The following LDAF1 variants were observed in gnomAD, a reference collection of about 807,000 sequenced individuals.
LDAF1 encodes lipid droplet assembly factor 1.
Under a neutral mutation model 13.5 loss-of-function variants are expected in LDAF1, and 7 were observed. The ratio of observed to expected loss-of-function variants is 0.52; its 90% confidence interval spans 0.29 to 0.97. The LOEUF is 0.97. Among genes scored for constraint, LDAF1 ranks in the 50% least tolerant of loss-of-function variants. The probability of loss-of-function intolerance (pLI) is 0.07; values close to 1 mark genes in which losing one functional copy is unlikely to be tolerated. For synonymous variants in LDAF1, 69 were observed against 77.1 expected (o/e 0.89, Z 0.55); for missense variants, 148 against 193.2 (o/e 0.77, Z 1.39).
intron 2 of LDAF1, among the ~76,000 whole-genome samples, chr16:21,162,828 A>G (rs1017050659): frequency 1.3e-5 from 2 of 152,220 alleles, no homozygotes; most frequent in African/African-American, 2.4e-5. Context: ...GCTGATTCTC[A>G]TTAACCATGG....
intron 4 of LDAF1, chr16:21,177,292 G>A (rs1005640476): frequency 6.6e-6 from 1 of 150,520 alleles, no homozygotes; most frequent in South Asian, 2.1e-4. Context: ...TTTTTTAAAC[G>A]ATTGTGGATA....
At chr16:21,164,017 T>C (rs2093001571) in intron 2 of LDAF1, among the ~76,000 whole-genome samples, 1 of 152,122 alleles carries the variant, frequency 6.6e-6, no homozygotes. Context: ...TGGTTGTAAA[T>C]GGTCCTGACC....
chr16:21,179,086 C>T (rs541400283), intron 4 of LDAF1, among the ~76,000 whole-genome samples: 1 of 152,136 alleles, frequency 6.6e-6, no homozygotes, highest in Non-Finnish European at 1.5e-5. Flanking sequence ...TCTGAATCCC[C>T]GCCCTGCCAT....
intron 2 of LDAF1, among the ~76,000 whole-genome samples, chr16:21,168,213 C>T (rs2093045000): frequency 6.6e-6 from 1 of 151,458 alleles, no homozygotes; most frequent in Non-Finnish European, 1.5e-5. Flanking sequence ...CAGGGTTTCA[C>T]CATGTTAGCC....
At chr16:21,161,761 T>C (rs2092977217) in intron 2 of LDAF1, among the ~76,000 whole-genome samples, 1 of 152,250 alleles carries the variant, frequency 6.6e-6, no homozygotes, top group Non-Finnish European at 1.5e-5. Context: ...TTTGAGTTCA[T>C]TGTTCCACTA....
chr16:21,167,711 A>G (rs543047143), intron 2 of LDAF1, among the ~76,000 whole-genome samples: 2 of 3,370 alleles, frequency 5.9e-4, no homozygotes, highest in East Asian at 0.014. Context: ...TTTTTTTTTG[A>G]AAAGGAGACT....
chr16:21,170,316 T>TA, intron 2 of LDAF1, 121 bp from the exon 3 acceptor site: 1 of 1,544,190 alleles, frequency 6.5e-7, no homozygotes, highest in South Asian at 1.3e-5. Context: ...AGTGACTTGT[T>TA]AATGCATAAG....
At chr16:21,159,512 G>T in intron 1 of LDAF1, 3 of 1,364,478 alleles carry the variant, frequency 2.2e-6, no homozygotes, top group Non-Finnish European at 3.1e-6. Flanking sequence ...CTGGAGGTTC[G>T]GGGGTGGGAG....
intron 2 of LDAF1, among the ~76,000 whole-genome samples, chr16:21,164,968 C>G (rs1156544348): frequency 6.6e-6 from 1 of 152,186 alleles, no homozygotes; most frequent in Non-Finnish European, 1.5e-5. Context: ...TAAAGCAGTG[C>G]CCAGCACCTG....
At chr16:21,178,498 C>A in intron 4 of LDAF1, 1 of 595,888 alleles carries the variant, frequency 1.7e-6, no homozygotes, top group Non-Finnish European at 2.1e-6. Context: ...TAATGAAAAA[C>A]TGGAGACAGC....
intron 2 of LDAF1, among the ~76,000 whole-genome samples, chr16:21,169,414 TCCTCCCACCTCAG>T (rs2093064383): frequency 6.6e-6 from 1 of 152,104 alleles, no homozygotes; most frequent in South Asian, 2.1e-4. Context: ...GCTCCAGTGA[TCCTCCCACCTCAG>T]CCTCCCAAGT....
At chr16:21,170,232 A>G (rs2093073310) in intron 2 of LDAF1, 5 of 875,922 alleles carry the variant, frequency 5.7e-6, no homozygotes, top group Non-Finnish European at 6.8e-6. Flanking sequence ...CAAGCTCCCA[A>G]CCTCAGGTGA....
At chr16:21,160,455 C>T (rs1335349626) in intron 1 of LDAF1, among the ~76,000 whole-genome samples, 2 of 152,012 alleles carry the variant, frequency 1.3e-5, no homozygotes, top group Non-Finnish European at 2.9e-5. Flanking sequence ...GATAGACTTA[C>T]CCACAAGTAA....
At chr16:21,159,956 G>C in intron 1 of LDAF1, 3 of 985,218 alleles carry the variant, frequency 3.0e-6, no homozygotes, top group Non-Finnish European at 3.6e-6. Context: ...TGGGGTGGTG[G>C]GATTAGTCCC....
chr16:21,161,279 G>A lies in LDAF1; in HGVS notation c.96+1G>A, dbSNP rs760044640. ...AGACTCCTTCCAGAATAACTCAAAG[G>A]TCAGTTTCCAATCACTATGTATAAT... On this transcript the variant is annotated splice_donor_variant, in intron 2 of 4. Transcript: ENST00000233047. LOFTEE classifies it high-confidence loss of function. 1.5e-5 allele frequency: 25 copies of A among 1,613,898 alleles called. No individual in the cohort carries two copies. Among genetic ancestry groups the A allele is most frequent in the Non-Finnish European group, 1.9e-5 (22 of 1,180,026 alleles).
intron 4 of LDAF1, among the ~76,000 whole-genome samples, chr16:21,175,918 A>G (rs2093134580): frequency 6.6e-6 from 1 of 152,014 alleles, no homozygotes; most frequent in Non-Finnish European, 1.5e-5. Flanking sequence ...GTTCATTTGT[A>G]TTTTACTTAT....
intron 1 of LDAF1, 29 bp from the exon 2 acceptor site, chr16:21,161,056 C>T (rs2092968359): frequency 6.8e-7 from 1 of 1,467,880 alleles, no homozygotes; most frequent in African/African-American, 1.4e-5. Context: ...ATGAAGACCA[C>T]TAACGGCTTT....
At chr16:21,160,103 C>T (rs1019703615) in intron 1 of LDAF1, 3 of 328,760 alleles carry the variant, frequency 9.1e-6, no homozygotes, top group Non-Finnish European at 1.3e-5. Context: ...AAAATTACCC[C>T]CTATATGATA....
At chr16:21,176,352 G>A (rs1231790714) in intron 4 of LDAF1, among the ~76,000 whole-genome samples, 5 of 152,148 alleles carry the variant, frequency 3.3e-5, no homozygotes, top group African/African-American at 1.2e-4. Flanking sequence ...AATTATTGAG[G>A]CATCTGAAGA....
Sources: gnomAD v4.1 joint callset for allele counts (sites outside exome capture counted in the v4.1 genomes callset) on GRCh38, gnomAD v4.1.1 for gene constraint, MANE v1.5 for transcripts, NCBI Gene and HGNC (gene_info 2026-07-23, HGNC 2026-07-21) for gene names.